The following NTM variants were observed in gnomAD, a reference collection of about 807,000 sequenced individuals.
NTM encodes neurotrimin.
Under a neutral mutation model 42.1 loss-of-function variants are expected in NTM, and 13 were observed. The observed-to-expected ratio is 0.31, with a 90% confidence interval of 0.20 to 0.49. The LOEUF is 0.49. Ranked by LOEUF, NTM falls within the 20% of genes least tolerant of loss-of-function variation. NTM has a pLI of 0.99. For missense variants in NTM, 373 were observed against 452.8 expected (o/e 0.82, Z 1.60); for synonymous variants, 187 against 179.2 (o/e 1.04, Z -0.35).
At chr11:131,559,384 C>G (rs188919169) in intron 1 of NTM, among the ~76,000 whole-genome samples, 27 of 152,316 alleles carry the variant, frequency 1.8e-4, no homozygotes, top group African/African-American at 5.5e-4. Context: ...AAGTGATTAA[C>G]CAGCTGTCTT....
intron 1 of NTM, among the ~76,000 whole-genome samples, chr11:131,878,644 G>T (rs1442728921): frequency 1.8e-4 from 20 of 110,172 alleles, no homozygotes; most frequent in South Asian, 3.5e-4. Flanking sequence ...TATATATAAT[G>T]TCTTATGTTC....
chr11:132,310,341 G>GAACTT (rs1333666067), intron 6 of NTM, 109 bp downstream of exon 6: 3 of 1,151,874 alleles, frequency 2.6e-6, no homozygotes, highest in African/African-American at 1.6e-5. Flanking sequence ...ATCCTCTTCT[G>GAACTT]AACTTATCTC....
chr11:132,157,291 C>G (rs756318269), intron 3 of NTM, among the ~76,000 whole-genome samples: 7 of 152,192 alleles, frequency 4.6e-5, no homozygotes, highest in Non-Finnish European at 1.0e-4. Context: ...TAGTCTTTGT[C>G]ACTGTGAGAG....
At chr11:131,476,931 C>T (rs1484457339) in intron 1 of NTM, among the ~76,000 whole-genome samples, 1 of 152,096 alleles carries the variant, frequency 6.6e-6, no homozygotes, top group Non-Finnish European at 1.5e-5. Context: ...AATGTCTTTC[C>T]TCTTTGGGCT....
At chr11:131,683,343 CG>C (rs1392871210) in intron 1 of NTM, among the ~76,000 whole-genome samples, 5 of 152,198 alleles carry the variant, frequency 3.3e-5, no homozygotes, top group African/African-American at 1.2e-4. Flanking sequence ...CTGTCTGCAG[CG>C]GGGCACTGTG....
intron 3 of NTM, among the ~76,000 whole-genome samples, chr11:132,188,515 G>A (rs1275091170): frequency 6.6e-6 from 1 of 152,200 alleles, no homozygotes; most frequent in South Asian, 2.1e-4. Context: ...ATGAACTTAC[G>A]CCGGTCTCTA....
At chr11:132,012,050 A>T (rs1240340196) in intron 2 of NTM, among the ~76,000 whole-genome samples, 3 of 152,142 alleles carry the variant, frequency 2.0e-5, no homozygotes, top group Non-Finnish European at 4.4e-5. Context: ...TCCTTTCCAC[A>T]TAGGAAGCTC....
chr11:131,475,819 G>A (rs542510861), intron 1 of NTM, among the ~76,000 whole-genome samples: 248 of 152,200 alleles, frequency 1.6e-3, no homozygotes, highest in Non-Finnish European at 2.1e-3. Flanking sequence ...TACCTTACAG[G>A]TCATGGGAGA....
intron 4 of NTM, among the ~76,000 whole-genome samples, chr11:132,282,323 G>C (rs1175417543): frequency 6.6e-6 from 1 of 152,216 alleles, no homozygotes; most frequent in African/African-American, 2.4e-5. Context: ...CACCAGAGCA[G>C]CTGAGCTAGA....
intron 1 of NTM, among the ~76,000 whole-genome samples, chr11:131,522,537 A>G (rs1191574597): frequency 1.3e-5 from 2 of 152,196 alleles, no homozygotes. Context: ...AGAGACATCT[A>G]CCTTGGAAAA....
At chr11:131,974,574 C>A (rs986421073) in intron 2 of NTM, among the ~76,000 whole-genome samples, 1 of 152,136 alleles carries the variant, frequency 6.6e-6, no homozygotes. Context: ...ACAAAAGATA[C>A]GTGTAATGTG....
intron 7 of NTM, 95 bp from the exon 8 acceptor site, chr11:132,330,058 G>C (rs1451888283): frequency 6.5e-7 from 1 of 1,529,388 alleles, no homozygotes; most frequent in Non-Finnish European, 8.8e-7. Flanking sequence ...TGCTGCGCCA[G>C]GAGCGCCAGC....
chr11:131,939,606 G>A (rs1593034140), intron 2 of NTM, among the ~76,000 whole-genome samples: 2 of 152,240 alleles, frequency 1.3e-5, no homozygotes, highest in Middle Eastern at 3.4e-3. Context: ...AGTACAAGCA[G>A]AGGGCTGGCA....
intron 8 of NTM, among the ~76,000 whole-genome samples, chr11:132,334,838 G>A (rs899765155): frequency 2.0e-5 from 3 of 151,762 alleles, no homozygotes; most frequent in African/African-American, 7.3e-5. Flanking sequence ...TCTCCTTGCA[G>A]GGGAAGGCTT....
At chr11:132,319,236 G>A (rs375000580) in intron 7 of NTM, among the ~76,000 whole-genome samples, 28 of 152,264 alleles carry the variant, frequency 1.8e-4, no homozygotes, top group African/African-American at 4.6e-4. Context: ...CTGAGGTACC[G>A]GGTTCATCTC....
intron 2 of NTM, among the ~76,000 whole-genome samples, chr11:132,053,926 A>G (rs549261253): frequency 3.3e-5 from 5 of 152,302 alleles, no homozygotes; most frequent in Admixed American, 6.5e-5. Context: ...GTCACCCAAT[A>G]AAAAAGTCGC....
At chr11:131,804,011 A>G (rs2092333623) in intron 1 of NTM, among the ~76,000 whole-genome samples, 1 of 152,162 alleles carries the variant, frequency 6.6e-6, no homozygotes, top group African/African-American at 2.4e-5. Flanking sequence ...CCTTCACAGT[A>G]TTACCAGCTC....
chr11:131,499,434 C>A lies in NTM; in HGVS notation c.82+128546C>A, dbSNP rs78114118. On this transcript the variant is annotated intron_variant, in intron 1 of 8. Coordinates refer to ENST00000683400, the MANE Select transcript of NTM (RefSeq NM_001352005.2). ...CCCCGTCATCTCCGCTGTCCCCAGC[C>A]CGGTCTGAGCCACTTTCCTATCCGG... Among the ~76,000 whole-genome samples the A allele has an allele frequency of 4.8e-3, 724 of 152,280 alleles. 6 individuals carry two copies. Among genetic ancestry groups the A allele is most frequent in the African/African-American group, 0.017 (694 of 41,556 alleles).
At chr11:131,641,772 G>A (rs896880732) in intron 1 of NTM, among the ~76,000 whole-genome samples, 15 of 149,302 alleles carry the variant, frequency 1.0e-4, no homozygotes, top group African/African-American at 3.2e-4. Context: ...CTGTTCCCAG[G>A]CTGGAGTGCA....
Sources: allele counts gnomAD v4.1 joint callset (sites outside exome capture counted in the v4.1 genomes callset), GRCh38; gene constraint gnomAD v4.1.1; transcripts MANE v1.5; gene names NCBI Gene and HGNC (gene_info 2026-07-23, HGNC 2026-07-21).